Variants in FAM114A2 observed in about 807,000 individuals in gnomAD.
The protein encoded by FAM114A2 is family with sequence similarity 114 member A2, also known as protein FAM114A2.
In FAM114A2, 53 loss-of-function variants were observed where a neutral mutation model predicts 58.4. The ratio of observed to expected loss-of-function variants is 0.91; its 90% CI spans 0.73 to 1.14. The LOEUF (loss-of-function observed/expected upper bound fraction) is 1.14. Among genes scored for constraint, FAM114A2 ranks in the 50% most tolerant of loss-of-function variants. FAM114A2 has a pLI of 0.00. For synonymous variants in FAM114A2, 228 were observed against 211.4 expected (o/e 1.08, Z -0.68); for missense variants, 601 against 581.1 (o/e 1.03, Z -0.35).
In FAM114A2 at chr5:154,029,542, C is replaced by A; in HGVS notation, c.442G>T (p.Val148Leu). The stretch of plus-strand genomic sequence containing the variant: ...GAGAATACACCAAATGCCCCAGCCA[C>A]TGGGGAGGAGTTTTCATTCTCTTTG... ...NAKENENSSP[V>L]AGAFGVFSTI... The change falls in exon 5 of 14, where the codon GTG becomes TTG. Residue 148 changes from valine (V) to leucine (L), a missense_variant. By Grantham distance (32) the Val-to-Leu change is conservative. Transcript: ENST00000351797. The A allele has an allele frequency of 1.2e-6, 2 of 1,611,144 alleles. No homozygotes were observed. The highest frequency in any genetic ancestry group is 2.2e-5 in the East Asian group (1 of 44,802).
chr5:153,993,690 A>G (rs907456320), intron 13 of FAM114A2, among the ~76,000 whole-genome samples: 4 of 152,194 alleles, frequency 2.6e-5, no homozygotes, highest in African/African-American at 9.7e-5. Flanking sequence ...CTTCATTTAT[A>G]CTGAAAAGCC....
At chr5:154,011,375 G>T in intron 8 of FAM114A2, 55 bp from the exon 9 acceptor site, 1 of 1,220,450 alleles carries the variant, frequency 8.2e-7, no homozygotes, top group Non-Finnish European at 1.2e-6. Flanking sequence ...AGGATCATGA[G>T]GTGGCAGGCG....
chr5:154,017,703 C>T (rs140660125), intron 8 of FAM114A2, among the ~76,000 whole-genome samples: 555 of 152,158 alleles, frequency 3.6e-3, no homozygotes, highest in Middle Eastern at 0.01. Context: ...ACAAAAGGGG[C>T]CTCTATAAAT....
intron 8 of FAM114A2, among the ~76,000 whole-genome samples, chr5:154,019,078 A>G (rs1005340626): frequency 1.3e-5 from 2 of 152,200 alleles, no homozygotes; most frequent in Admixed American, 1.3e-4. Flanking sequence ...AGAAAGAAAT[A>G]AAGGGCATCC....
chr5:154,013,767 C>A (rs1770848905), intron 8 of FAM114A2, among the ~76,000 whole-genome samples: 1 of 152,148 alleles, frequency 6.6e-6, no homozygotes, highest in Non-Finnish European at 1.5e-5. Context: ...AACAATGGAG[C>A]AACTTAAGAA....
intron 11 of FAM114A2, among the ~76,000 whole-genome samples, chr5:154,000,824 A>G (rs963965927): frequency 6.6e-6 from 1 of 152,220 alleles, no homozygotes; most frequent in Non-Finnish European, 1.5e-5. Context: ...AGGAGACAAC[A>G]TCATACTCAA....
chr5:154,026,230 T>G (rs553085154), intron 8 of FAM114A2, 169 bp downstream of exon 8: 2 of 411,932 alleles, frequency 4.9e-6, no homozygotes, highest in Non-Finnish European at 8.2e-6. Context: ...CAATGCCTAG[T>G]CAGGTGCAAG....
chr5:154,026,261 G>A (rs1321896666), intron 8 of FAM114A2, 138 bp downstream of exon 8: 1 of 582,294 alleles, frequency 1.7e-6, no homozygotes. Flanking sequence ...ATTTTACACA[G>A]AGAATTTGCA....
chr5:154,006,796 A>AT lies in FAM114A2; in HGVS notation c.994-3828dup, dbSNP rs11318237. On this transcript the variant is annotated intron_variant, in intron 9 of 13. Coordinates refer to ENST00000351797, the MANE Select transcript of FAM114A2 (RefSeq NM_018691.4). Reference sequence around the variant, plus strand: ...CATAAATTTAATATACCCAAAGGAGATTTTTTTTTTTTTTTTTTGAGATGG... The same window carrying AT: ...CATAAATTTAATATACCCAAAGGAGATTTTTTTTTTTTTTTTTTTGAGATGG... Among the ~76,000 whole-genome samples the AT allele has an allele frequency of 3.6e-3, 471 of 129,840 alleles. 1 individual carries two copies. The highest frequency in any genetic ancestry group is 0.011 in the African/African-American group (404 of 35,548). The allele number at this position is 129,840 out of a possible 152,430, so 85.2% of individuals were successfully genotyped here.
At chr5:153,998,828 C>T (rs1403095175) in intron 11 of FAM114A2, among the ~76,000 whole-genome samples, 1 of 152,132 alleles carries the variant, frequency 6.6e-6, no homozygotes, top group Admixed American at 6.5e-5. Flanking sequence ...TGGGCTAAGG[C>T]AGACCCAAAG....
At position 153,998,031 on chromosome 5, in the gene FAM114A2, T is replaced by C. The variant is rs146551824; in HGVS notation, c.1257-156A>G. 3.2e-3 allele frequency among the ~76,000 whole-genome samples: 484 copies of C among 152,296 alleles called. 4 individuals carry two copies. Among genetic ancestry groups the C allele is most frequent in the African/African-American group, 0.011 (465 of 41,570 alleles). On this transcript the variant is annotated intron_variant, in intron 11 of 13. Transcript: ENST00000351797. ...AAATACAGTATCCCCCCCTTATCTGTGGTTTCACTTTTTGCAGTTTCAGTT... is the reference window on the plus strand; with the variant it reads ...AAATACAGTATCCCCCCCTTATCTGCGGTTTCACTTTTTGCAGTTTCAGTT...
intron 11 of FAM114A2, 132 bp downstream of exon 11, chr5:154,002,119 G>A: frequency 1.3e-6 from 1 of 742,142 alleles, no homozygotes; most frequent in Non-Finnish European, 2.2e-6. Flanking sequence ...CAACCAAAAT[G>A]AACAAACCAT....
rs140562777 is a variant in FAM114A2 at position 154,002,032 on chromosome 5, C to T, written c.1256+219G>A. Among the ~76,000 whole-genome samples the T allele has an allele frequency of 1.2e-3, 182 of 152,208 alleles. 1 individual carries two copies. Among genetic ancestry groups the T allele is most frequent in the African/African-American group, 4.3e-3 (178 of 41,522 alleles). ...TAAAACTTATCTGTAAAGAAATAGTCTTCAGAGCATGAGTTGGTTAATAAA... is the reference window on the plus strand; with the variant it reads ...TAAAACTTATCTGTAAAGAAATAGTTTTCAGAGCATGAGTTGGTTAATAAA... On this transcript the variant is annotated intron_variant, in intron 11 of 13. Coordinates refer to ENST00000351797, the MANE Select transcript of FAM114A2 (RefSeq NM_018691.4).
chr5:153,994,126 T>C (rs1019888045), intron 13 of FAM114A2, among the ~76,000 whole-genome samples: 6 of 152,206 alleles, frequency 3.9e-5, no homozygotes, highest in African/African-American at 7.2e-5. Context: ...CCTGACTACT[T>C]GATTAAAACT....
At chr5:154,033,337 A>G (rs957058328) in intron 4 of FAM114A2, among the ~76,000 whole-genome samples, 1 of 152,224 alleles carries the variant, frequency 6.6e-6, no homozygotes, top group Admixed American at 6.5e-5. Context: ...TTTCTGTCTG[A>G]TCAAGGCTAG....
In FAM114A2 at chr5:154,002,390, C is replaced by A. The variant is rs1770036646; in HGVS notation, c.1117G>T (p.Asp373Tyr). The part of the protein sequence containing the change: ...TEQVNKNSIE[D>Y]IHAFAIRSLA... ...CTCCGGATTGCAAACGCATGGATAT[C>A]CTGGATGGAAAAACAAAACAAAGCA... is the stretch of plus-strand genomic sequence containing the variant. Residue 373 changes from aspartate to tyrosine, a missense_variant and splice_region_variant, in exon 11 of 14, where the codon GAT becomes TAT. Physicochemically the swap from Asp to Tyr is radical, Grantham distance 160. Coordinates refer to ENST00000351797, the MANE Select transcript of FAM114A2 (RefSeq NM_018691.4). 6.2e-7 allele frequency: 1 copy of A among 1,613,238 alleles called. No homozygotes were observed. The highest frequency in any genetic ancestry group is 8.5e-7 in the Non-Finnish European group (1 of 1,179,334).
chr5:154,010,938 A>C (rs1182106192), intron 9 of FAM114A2, among the ~76,000 whole-genome samples: 3 of 152,318 alleles, frequency 2.0e-5, no homozygotes, highest in Middle Eastern at 3.4e-3. Context: ...TGGAATCATG[A>C]GGCTGGTCAT....
chr5:154,000,646 T>C (rs1769911196), intron 11 of FAM114A2, among the ~76,000 whole-genome samples: 1 of 152,124 alleles, frequency 6.6e-6, no homozygotes, highest in Non-Finnish European at 1.5e-5. Flanking sequence ...GGGTTACTAC[T>C]GTATGCCTAA....
intron 11 of FAM114A2, among the ~76,000 whole-genome samples, chr5:153,999,843 TGCA>T (rs1769851889): frequency 1.3e-5 from 2 of 152,204 alleles, no homozygotes; most frequent in South Asian, 4.1e-4. Flanking sequence ...GCATGTTTAT[TGCA>T]GCACTATTCA....
Sources: gnomAD v4.1 joint callset for allele counts (sites outside exome capture counted in the v4.1 genomes callset) on GRCh38, gnomAD v4.1.1 for gene constraint, MANE v1.5 for transcripts, NCBI Gene and HGNC (gene_info 2026-07-23, HGNC 2026-07-21) for gene names.